The following RUSC2 variants were observed in gnomAD, a reference collection of about 807,000 sequenced individuals.
RUSC2 encodes AP-4 complex accessory subunit RUSC2.
In RUSC2, 34 loss-of-function variants were observed where a neutral mutation model predicts 122.2. The observed-to-expected ratio is 0.28, with a 90% confidence interval of 0.21 to 0.37. The LOEUF (loss-of-function observed/expected upper bound fraction) is 0.37, where lower values mean the gene tolerates loss of function less well. RUSC2 is among the 10% of genes least tolerant of loss of function. The pLI, the probability that RUSC2 is intolerant of heterozygous loss-of-function variation, is 1.00. For synonymous variants in RUSC2, 784 were observed against 790.0 expected, an observed-to-expected ratio of 0.99 and a Z score of 0.13; for missense variants, 1,747 against 1,952.4, an observed-to-expected ratio of 0.89 and a Z score of 1.98.
In RUSC2 at chr9:35,547,255, C is replaced by T. The variant is rs1821770434; in HGVS notation, c.734C>T (p.Ser245Leu). 1 of 1,614,210 alleles carries T rather than the reference C, an allele frequency of 6.2e-7. No individual in the cohort carries two copies. Residue 245 changes from serine to leucine, a missense_variant, in exon 2 of 12, where the codon TCA becomes TTA. Ser to Leu is a moderately radical substitution (Grantham distance 145). Coordinates refer to ENST00000361226, the MANE Select transcript of RUSC2 (RefSeq NM_014806.5). This position sits in a 1 kb window ranked among gnomAD's most constrained non-coding sequence, Gnocchi z 4.6. ...CCAAGGAACCCTGGATGCTCCGGCT[C>T]AGGGGACCAGCACTGCCGCTGCAGT... is the stretch of plus-strand genomic sequence containing the variant. ...ESPRNPGCSG[S>L]GDQHCRCSST... is the part of the protein sequence containing the mutation.
rs1207105114 is a variant in RUSC2 at position 35,561,050 on chromosome 9, G to A, written c.4302G>A (p.Glu1434=). 6.2e-7 allele frequency: 1 copy of A among 1,614,154 alleles called. No individual in the cohort carries two copies. Residue 1434 remains glutamate (E), a synonymous_variant, in exon 11 of 12, where the codon GAG becomes GAA. Coordinates refer to ENST00000361226, the MANE Select transcript of RUSC2 (RefSeq NM_014806.5). ...CCCGCCGGGAGCCAGAGCCCAAGGAGAGCCTGCAGGAGCCACACTCCCCAG... is the reference window on the plus strand; with the variant it reads ...CCCGCCGGGAGCCAGAGCCCAAGGAAAGCCTGCAGGAGCCACACTCCCCAG... ...VGSRREPEPK[E]SLQEPHSPAL... is the part of the protein sequence containing the mutation.
intron 1 of RUSC2, among the ~76,000 whole-genome samples, chr9:35,508,308 A>G (rs1420080282): frequency 2.0e-5 from 3 of 152,236 alleles, no homozygotes; most frequent in African/African-American, 4.8e-5. Flanking sequence ...TTACTCAGCA[A>G]TGACTTCTCT....
rs1218436002 is a variant in RUSC2 at position 35,558,222 on chromosome 9, G to T, written c.3086G>T (p.Ser1029Ile). The T allele has an allele frequency of 6.2e-7, 1 of 1,613,736 alleles. No homozygotes were observed. Among genetic ancestry groups the T allele is most frequent in the African/African-American group, 1.3e-5 (1 of 75,024 alleles). The change falls in exon 7 of 12, where the codon AGC becomes ATC. Residue 1029 changes from serine to isoleucine, a missense_variant. Physicochemically the swap from Ser to Ile is moderately radical, Grantham distance 142. Coordinates refer to ENST00000361226, the MANE Select transcript of RUSC2 (RefSeq NM_014806.5). The surrounding 1 kb of genome is among the most constrained non-coding windows in gnomAD (Gnocchi z 4.3). The part of the protein sequence containing the change: ...VKAKLGNSSV[S>I]PNVGHLVLKY... The stretch of plus-strand genomic sequence containing the variant: ...GCAAAGCTGGGAAACAGTTCTGTGA[G>T]CCCCAATGTGGGCCACCTGGTTCTG...
chr9:35,547,320 G>C lies in RUSC2; in HGVS notation c.799G>C (p.Gly267Arg), dbSNP rs367893001. The C allele has an allele frequency of 2.5e-6, 4 of 1,614,038 alleles. No individual in the cohort carries two copies. The African/African-American group carries it at 4.0e-5, about 16-fold the overall frequency. ...GTCCGAGGCAGCTGACCAGTCCATG[G>C]GCTATGTGAGCGACTCCTCCTGCAA... ...SQSEAADQSM[G>R]YVSDSSCNSS... Residue 267 changes from glycine (G) to arginine (R), a missense_variant, in exon 2 of 12, where the codon GGC (glycine) becomes CGC (arginine). By Grantham distance (125) the Gly-to-Arg change is moderately radical (BLOSUM62 -2). Transcript: ENST00000361226. The surrounding 1 kb of genome is among the most constrained non-coding windows in gnomAD (Gnocchi z 4.6).
At chr9:35,551,068 C>CA (rs1015237547) in intron 2 of RUSC2, among the ~76,000 whole-genome samples, 393 of 147,024 alleles carry the variant, frequency 2.7e-3, no homozygotes, top group African/African-American at 9.4e-3. Context: ...GAGTCCGTCT[C>CA]AAAAAAAAAG....
chr9:35,509,785 G>C (rs10758308), intron 1 of RUSC2, among the ~76,000 whole-genome samples: 61,514 of 151,950 alleles, frequency 0.4, 12,553 homozygotes, highest in Admixed American at 0.42. Flanking sequence ...ATTGAGCCCT[G>C]CCTAAATACC....
At chr9:35,513,306 G>A (rs762624874) in intron 1 of RUSC2, among the ~76,000 whole-genome samples, 6 of 152,012 alleles carry the variant, frequency 3.9e-5, no homozygotes, top group Non-Finnish European at 7.3e-5. Flanking sequence ...ACAATGGTAC[G>A]ATCTCGGCTC....
rs1197351264 is a variant in RUSC2, at chr9:35,558,440, T to G, written c.3236-22T>G. 2 of 1,613,862 alleles carry G rather than the reference T, an allele frequency of 1.2e-6. No homozygotes were observed. The highest frequency in any genetic ancestry group is 1.7e-6 in the Non-Finnish European group (2 of 1,179,884). On this transcript the variant is annotated intron_variant, in intron 7 of 11. Transcript: ENST00000361226. The surrounding 1 kb of genome is among the most constrained non-coding windows in gnomAD (Gnocchi z 4.3). ...GGCTCCAGAAATTGGTCATGTGACC[T>G]GCAACCCTGGCTTCCTCCCAGGCCC... is the stretch of plus-strand genomic sequence containing the variant.
At chr9:35,507,962 C>T (rs1208658726) in intron 1 of RUSC2, 3 of 157,298 alleles carry the variant, frequency 1.9e-5, no homozygotes, top group African/African-American at 4.8e-5. Context: ...TCATCATTAC[C>T]GAAGTTAATA....
chr9:35,513,903 C>CATATATATATATATATATATATAT (rs3068511), intron 1 of RUSC2, among the ~76,000 whole-genome samples: 11 of 104,222 alleles, frequency 1.1e-4, no homozygotes, highest in Non-Finnish European at 1.7e-4. Context: ...CTTCAACAAA[C>CATATATATATATATATATATATAT]ATATATATAT....
chr9:35,503,645 G>A (rs1011462476), intron 1 of RUSC2, among the ~76,000 whole-genome samples: 4 of 152,088 alleles, frequency 2.6e-5, no homozygotes, highest in South Asian at 4.1e-4. Context: ...GGGTCAAATG[G>A]TAGTTGTACT....
chr9:35,546,825 C>A lies in RUSC2; in HGVS notation c.304C>A (p.Pro102Thr). The A allele has an allele frequency of 1.2e-6, 2 of 1,611,912 alleles. No individual in the cohort carries two copies. Among genetic ancestry groups the A allele is most frequent in the Non-Finnish European group, 1.7e-6 (2 of 1,179,030 alleles). Residue 102 changes from proline to threonine, a missense_variant, in exon 2 of 12, where the codon CCC (proline) becomes ACC (threonine). Pro to Thr is a conservative substitution (Grantham distance 38, BLOSUM62 -1). Coordinates refer to ENST00000361226, the MANE Select transcript of RUSC2 (RefSeq NM_014806.5). This position sits in a 1 kb window ranked among gnomAD's most constrained non-coding sequence, Gnocchi z 4.3. ...CCCTGGAGCCCCCAAACGACACAAC[C>A]CCTTCTTGCTGCAGGAGGGTGTGGG... is the stretch of plus-strand genomic sequence containing the variant. Reference protein sequence around the residue: ...RGPGAPKRHNPFLLQEGVGEP... With the variant: ...RGPGAPKRHNTFLLQEGVGEP...
At chr9:35,545,603 A>G (rs1282331836) in intron 1 of RUSC2, among the ~76,000 whole-genome samples, 1 of 152,234 alleles carries the variant, frequency 6.6e-6, no homozygotes, top group African/African-American at 2.4e-5. Flanking sequence ...TGGGCACTTC[A>G]GGATGTCTGT....
At chr9:35,518,948 T>G (rs1821160242) in intron 1 of RUSC2, among the ~76,000 whole-genome samples, 1 of 152,222 alleles carries the variant, frequency 6.6e-6, no homozygotes, top group South Asian at 2.1e-4. Flanking sequence ...TGTGTGTGTA[T>G]GTGTGTACCC....
chr9:35,547,176 G>T lies in RUSC2; in HGVS notation c.655G>T (p.Asp219Tyr). The change falls in exon 2 of 12, where the codon GAT (aspartate) becomes TAT (tyrosine). Residue 219 changes from aspartate to tyrosine, a missense_variant. By Grantham distance (160) the Asp-to-Tyr change is radical. Transcript: ENST00000361226. The surrounding 1 kb of genome is among the most constrained non-coding windows in gnomAD (Gnocchi z 4.6). The part of the protein sequence containing the change: ...GGSGSGGGAS[D>Y]TSGFSFDQEW... ...GAGTGGCAGTGGGGGTGGAGCCAGC[G>T]ATACCTCTGGCTTTTCCTTTGACCA... 10 of 1,614,118 alleles carry T rather than the reference G, an allele frequency of 6.2e-6. No homozygotes were observed. The highest frequency in any genetic ancestry group is 7.6e-6 in the Non-Finnish European group (9 of 1,180,018).
At chr9:35,498,315 G>T (rs949436156) in intron 1 of RUSC2, among the ~76,000 whole-genome samples, 2 of 152,090 alleles carry the variant, frequency 1.3e-5, no homozygotes, top group African/African-American at 4.8e-5. Flanking sequence ...GAGGCAGGCA[G>T]ATCACGTGAG....
At chr9:35,494,826 G>A in intron 1 of RUSC2, among the ~76,000 whole-genome samples, 1 of 147,630 alleles carries the variant, frequency 6.8e-6, no homozygotes, top group Non-Finnish European at 1.5e-5. Flanking sequence ...TTTGTTACCT[G>A]TGCATTTTGT....
chr9:35,543,649 A>C (rs559164086), intron 1 of RUSC2, among the ~76,000 whole-genome samples: 1 of 152,284 alleles, frequency 6.6e-6, no homozygotes, highest in South Asian at 2.1e-4. Flanking sequence ...TTGTATTTTT[A>C]GTAGAGACAG....
chr9:35,524,836 T>C (rs1821290971), intron 1 of RUSC2, among the ~76,000 whole-genome samples: 1 of 152,028 alleles, frequency 6.6e-6, no homozygotes, highest in Non-Finnish European at 1.5e-5. Context: ...CCGGGCGTGG[T>C]GGCGGGCACC....
Sources: allele counts gnomAD v4.1 joint callset (sites outside exome capture counted in the v4.1 genomes callset), GRCh38; gene constraint gnomAD v4.1.1; non-coding constraint Gnocchi (gnomAD v3.1); transcripts MANE v1.5; gene names NCBI Gene and HGNC (gene_info 2026-07-23, HGNC 2026-07-21).